Variants in KRR1 observed in about 807,000 individuals in gnomAD.
KRR1 encodes KRR1 small subunit processome component.
In KRR1, 23 loss-of-function variants were observed where a neutral mutation model predicts 50.0. The ratio of observed to expected loss-of-function variants is 0.46; its 90% confidence interval spans 0.33 to 0.65. The LOEUF (loss-of-function observed/expected upper bound fraction) is 0.65, where lower values mean the gene tolerates loss of function less well. KRR1 is among the 30% of genes least tolerant of loss of function. KRR1 has a pLI of 0.02. For missense variants in KRR1, 419 were observed against 442.4 expected (o/e 0.95, Z 0.47); for synonymous variants, 133 against 146.3 (o/e 0.91, Z 0.66).
chr12:75,503,742 A>G lies in KRR1; in HGVS notation c.831+162T>C, dbSNP rs952552258. 5.2e-6 allele frequency: 3 copies of G among 580,882 alleles called. No individual in the cohort carries two copies. In the African/African-American group the frequency reaches 5.7e-5, roughly 11 times the overall value. 36.0% of individuals were successfully genotyped at this position (580,882 alleles called of 1,614,324 possible). The stretch of plus-strand genomic sequence containing the variant: ...CACACCCCCATGCACTCAGCTCAAA[A>G]TATGCCTATTTATATTTACCCTCAG... On this transcript the variant is annotated intron_variant, in intron 7 of 9. Transcript: ENST00000229214.
At position 75,495,897 on chromosome 12, in the gene KRR1, A is replaced by C; in HGVS notation, c.*3912T>G. On this transcript the variant is annotated 3_prime_UTR_variant, in exon 10 of 10. Coordinates refer to ENST00000229214, the MANE Select transcript of KRR1 (RefSeq NM_007043.7). Reference sequence around the variant, plus strand: ...TGGTCAAACAACAACAACAAAAAAAACTGTCAGAAACTGTAGACTAAGATT... The same window carrying C: ...TGGTCAAACAACAACAACAAAAAAACCTGTCAGAAACTGTAGACTAAGATT... 1 of 317,980 alleles carries C rather than the reference A, an allele frequency of 3.1e-6. No individual in the cohort carries two copies. Among genetic ancestry groups the C allele is most frequent in the East Asian group, 5.0e-5 (1 of 19,936 alleles). 19.7% of individuals were successfully genotyped at this position (317,980 alleles called of 1,614,324 possible).
At chr12:75,508,583 C>A (rs961451990) in intron 1 of KRR1, 137 bp from the exon 2 acceptor site, 5 of 521,620 alleles carry the variant, frequency 9.6e-6, no homozygotes, top group South Asian at 6.9e-5. Context: ...CTTGCATTTC[C>A]TTTTCCCCTG....
Position 75,498,724 on chromosome 12 carries a change from C to T in KRR1, c.*1085G>A, listed in dbSNP as rs201786239. Reference sequence around the variant, plus strand: ...CGACAGCGAGACCAAGTCAAACGTACGTACATCAATCTTAAATTGTTTCAT... The same window carrying T: ...CGACAGCGAGACCAAGTCAAACGTATGTACATCAATCTTAAATTGTTTCAT... On this transcript the variant is annotated 3_prime_UTR_variant, in exon 10 of 10. Transcript: ENST00000229214. The T allele has an allele frequency of 7.4e-6, 12 of 1,611,906 alleles. No homozygotes were observed. The highest frequency in any genetic ancestry group is 4.0e-5 in the African/African-American group (3 of 74,790).
chr12:75,503,721 C>A (rs574303377), intron 7 of KRR1, 183 bp downstream of exon 7: 139 of 462,460 alleles, frequency 3.0e-4, no homozygotes, highest in Non-Finnish European at 4.5e-4. Context: ...CCACTGCACA[C>A]CCCCATGCAC....
intron 2 of KRR1, 62 bp downstream of exon 2, chr12:75,508,212 C>A (rs535951936): frequency 8.0e-5 from 85 of 1,065,660 alleles, no homozygotes; most frequent in Non-Finnish European, 9.8e-5. Flanking sequence ...AGCATACATA[C>A]ATTTAAAGGC....
intron 5 of KRR1, 40 bp downstream of exon 5, chr12:75,506,276 C>A: frequency 2.4e-6 from 3 of 1,248,374 alleles, no homozygotes; most frequent in Admixed American, 2.1e-5. Flanking sequence ...ATTATTTGTT[C>A]TCTGCTGAAA....
chr12:75,495,990 T>G lies in KRR1; in HGVS notation c.*3819A>C. The G allele has an allele frequency of 5.8e-6, 1 of 173,706 alleles. No individual in the cohort carries two copies. Among genetic ancestry groups the G allele is most frequent in the Non-Finnish European group, 1.2e-5 (1 of 83,504 alleles). 10.8% of individuals were successfully genotyped at this position (173,706 alleles called of 1,614,324 possible). On this transcript the variant is annotated 3_prime_UTR_variant, in exon 10 of 10. Coordinates refer to ENST00000229214, the MANE Select transcript of KRR1 (RefSeq NM_007043.7). Reference sequence around the variant, plus strand: ...CAGGTCATCCAAACAAACAGAATTCTGTTTTCGTTTTTTTTTTTGTTTTTT... The same window carrying G: ...CAGGTCATCCAAACAAACAGAATTCGGTTTTCGTTTTTTTTTTTGTTTTTT...
chr12:75,507,164 A>G (rs959198967), intron 2 of KRR1, among the ~76,000 whole-genome samples: 11 of 152,218 alleles, frequency 7.2e-5, no homozygotes, highest in African/African-American at 2.7e-4. Context: ...ACCCACTGGA[A>G]TATAGATTGC....
At position 75,492,895 on chromosome 12, in the gene KRR1, T is replaced by C. The variant is rs1172535069; in HGVS notation, c.*6914A>G. 6.6e-6 allele frequency: 1 copy of C among 152,148 alleles called. No homozygotes were observed. Among genetic ancestry groups the C allele is most frequent in the Non-Finnish European group, 1.5e-5 (1 of 68,028 alleles). 9.4% of individuals were successfully genotyped at this position (152,148 alleles called of 1,614,324 possible). A position where few individuals can be genotyped will look rare whatever the true frequency, so the allele number is the denominator to read the frequency against. On this transcript the variant is annotated 3_prime_UTR_variant, in exon 10 of 10. Transcript: ENST00000229214. The stretch of plus-strand genomic sequence containing the variant: ...ATAATACTGTAATAGAAACTATCAA[T>C]AGGCAAGGCCCCTGTTTAGAATAAT...
In KRR1 at chr12:75,491,525, A is replaced by G. The variant is rs1301850508; in HGVS notation, c.*8284T>C. 6.6e-6 allele frequency: 1 copy of G among 152,246 alleles called. No homozygotes were observed. Among genetic ancestry groups the G allele is most frequent in the Non-Finnish European group, 1.5e-5 (1 of 68,042 alleles). The allele number at this position is 152,246 out of a possible 1,614,324, so 9.4% of individuals were successfully genotyped here. The stretch of plus-strand genomic sequence containing the variant: ...TTTCCCTATAATTCCTTGAGATACT[A>G]GCACGTAAAGACTGTGACCATTTTT... On this transcript the variant is annotated 3_prime_UTR_variant, in exon 10 of 10. Transcript: ENST00000229214.
intron 9 of KRR1, chr12:75,501,010 T>C (rs1381014660): frequency 2.0e-5 from 3 of 152,218 alleles, no homozygotes; most frequent in Admixed American, 1.3e-4. Flanking sequence ...TAATGTATTA[T>C]ATCTGTTTCT....
intron 7 of KRR1, chr12:75,503,248 G>A (rs1438595100): frequency 6.6e-6 from 1 of 152,150 alleles, no homozygotes; most frequent in Non-Finnish European, 1.5e-5. Flanking sequence ...CTAAACATGG[G>A]AGGGCACTGA....
intron 5 of KRR1, 113 bp from the exon 6 acceptor site, chr12:75,505,367 A>T: frequency 9.5e-7 from 1 of 1,054,382 alleles, no homozygotes; most frequent in Non-Finnish European, 1.3e-6. Flanking sequence ...AATGTAATTA[A>T]ATAATTAAGT....
In KRR1 at chr12:75,499,864, T is replaced by G. The variant is rs1400358932; in HGVS notation, c.1091A>C (p.Glu364Ala). 2.5e-6 allele frequency: 4 copies of G among 1,608,974 alleles called. No homozygotes were observed. Among genetic ancestry groups the G allele is most frequent in the Non-Finnish European group, 3.4e-6 (4 of 1,177,946 alleles). The stretch of plus-strand genomic sequence containing the variant: ...TGCCTCCATCTTAAGTGCAATTTCT[T>G]CAGCTGTAAGAGCTCCCAGTTTCTT... ...KNKKLGALTA[E>A]EIALKMEADE... Residue 364 changes from glutamate (E) to alanine (A), a missense_variant, in exon 10 of 10, where the codon GAA becomes GCA. Transcript: ENST00000229214.
intron 1 of KRR1, 39 bp downstream of exon 1, chr12:75,511,474 G>A (rs2046448696): frequency 1.3e-6 from 2 of 1,561,644 alleles, no homozygotes; most frequent in Non-Finnish European, 8.8e-7. Flanking sequence ...GCAACTCAAC[G>A]TACACAAACC....
intron 1 of KRR1, among the ~76,000 whole-genome samples, chr12:75,510,322 T>C (rs12812559): frequency 0.24 from 35,833 of 152,002 alleles, 4,484 homozygotes; most frequent in South Asian, 0.32. Flanking sequence ...CCAGAAGACA[T>C]GTACAAAGAT....
At chr12:75,503,847 G>T in intron 7 of KRR1, 57 bp downstream of exon 7, 1 of 1,463,316 alleles carries the variant, frequency 6.8e-7, no homozygotes, top group South Asian at 1.3e-5. Flanking sequence ...TAAAGTTTCT[G>T]ACCAAATACA....
At position 75,498,185 on chromosome 12, in the gene KRR1, A is replaced by G. The variant is rs545650149; in HGVS notation, c.*1624T>C. 6.6e-6 allele frequency: 1 copy of G among 152,224 alleles called. No individual in the cohort carries two copies. Among genetic ancestry groups the G allele is most frequent in the African/African-American group, 2.4e-5 (1 of 41,330 alleles). 9.4% of individuals were successfully genotyped at this position (152,224 alleles called of 1,614,324 possible). On this transcript the variant is annotated 3_prime_UTR_variant, in exon 10 of 10. Transcript: ENST00000229214. ...TTCTTCCCAGTGCTCTGATTGTCAA[A>G]ATTTGAATAAAGCTCAGTGAAAGGA...
chr12:75,506,698 G>GCAC, intron 3 of KRR1, 84 bp downstream of exon 3: 1 of 1,550,264 alleles, frequency 6.5e-7, no homozygotes, highest in South Asian at 1.3e-5. Context: ...TGTTACCTAA[G>GCAC]CACAAATATG....
Sources: allele counts gnomAD v4.1 joint callset (sites outside exome capture counted in the v4.1 genomes callset), GRCh38; gene constraint gnomAD v4.1.1; transcripts MANE v1.5; gene names NCBI Gene and HGNC (gene_info 2026-07-23, HGNC 2026-07-21).